SCUBE1: variants seen among roughly 807,000 people sequenced by gnomAD.
SCUBE1 encodes the protein signal peptide, CUB and EGF-like domain-containing protein 1.
Under a neutral mutation model 124.4 loss-of-function variants are expected in SCUBE1, and 59 were observed. The ratio of observed to expected loss-of-function variants is 0.47; its 90% CI spans 0.38 to 0.59. The LOEUF is 0.59. SCUBE1 is among the 20% of genes least tolerant of loss of function. The pLI, the probability that SCUBE1 is intolerant of heterozygous loss-of-function variation, is 0.00. For synonymous variants in SCUBE1, 545 were observed against 550.9 expected (o/e 0.99, Z 0.15); for missense variants, 1,150 against 1,371.2 (o/e 0.84, Z 2.55).
At chr22:43,277,024 G>A (rs1048503026) in intron 4 of SCUBE1, among the ~76,000 whole-genome samples, 1 of 152,170 alleles carries the variant, frequency 6.6e-6, no homozygotes, top group African/African-American at 2.4e-5. Context: ...GGGGAGAAAG[G>A]CCCGGGAGCA....
chr22:43,234,707 C>T lies in SCUBE1; in HGVS notation c.845-2832G>A, dbSNP rs1219656147. On this transcript the variant is annotated intron_variant, in intron 7 of 21. Coordinates refer to ENST00000360835, the MANE Select transcript of SCUBE1 (RefSeq NM_173050.5). The surrounding 1 kb of genome is among the most constrained non-coding windows in gnomAD (Gnocchi z 4.4). ...CTTCCTGGGTTCCCACCCCACCGCC[C>T]CACACCAGGCAGCCAGCACCACCTT... is the stretch of plus-strand genomic sequence containing the variant. Among the ~76,000 whole-genome samples, 2 of 152,202 alleles carry T rather than the reference C, an allele frequency of 1.3e-5. No individual in the cohort carries two copies. Among genetic ancestry groups the T allele is most frequent in the Non-Finnish European group, 2.9e-5 (2 of 68,020 alleles).
chr22:43,218,401 A>G lies in SCUBE1; in HGVS notation c.1745T>C (p.Ile582Thr). 1.9e-6 allele frequency: 3 copies of G among 1,613,404 alleles called. No individual in the cohort carries two copies. Among genetic ancestry groups the G allele is most frequent in the Non-Finnish European group, 2.5e-6 (3 of 1,180,036 alleles). ...KRAEQSLQAA[I>T]KTLRKSIGRQ... ...GCCGATGGACTTGCGCAGGGTCTTGATGGCGGCCTGCAGGCTCTGTTCTGC... is the reference window on the plus strand; with the variant it reads ...GCCGATGGACTTGCGCAGGGTCTTGGTGGCGGCCTGCAGGCTCTGTTCTGC... Residue 582 changes from isoleucine to threonine, a missense_variant, in exon 15 of 22, where the codon ATC becomes ACC. Ile to Thr is a moderately conservative substitution (Grantham distance 89). Around this residue, in one of 3 missense-constraint regions of SCUBE1, gnomAD observed 757 missense variants for 840.9 expected, o/e 0.90. Transcript: ENST00000360835.
At chr22:43,277,412 A>T (rs536501305) in intron 4 of SCUBE1, among the ~76,000 whole-genome samples, 1 of 152,280 alleles carries the variant, frequency 6.6e-6, no homozygotes, top group East Asian at 1.9e-4. Flanking sequence ...CAGCTGCCGC[A>T]CTAACTCAGG....
At chr22:43,286,566 G>A (rs949569087) in intron 4 of SCUBE1, among the ~76,000 whole-genome samples, 1 of 152,228 alleles carries the variant, frequency 6.6e-6, no homozygotes, top group Non-Finnish European at 1.5e-5. Flanking sequence ...CAGTTCACCA[G>A]GTGGAGGAGG....
In SCUBE1 at chr22:43,198,717, T is replaced by C. The variant is rs769170376; in HGVS notation, c.*5280A>G. 1 of 456,596 alleles carries C rather than the reference T, an allele frequency of 2.2e-6. No homozygotes were observed. The highest frequency in any genetic ancestry group is 1.5e-5 in the South Asian group (1 of 64,566). The allele number at this position is 456,596 out of a possible 1,614,324, so 28.3% of individuals were successfully genotyped here. On this transcript the variant is annotated 3_prime_UTR_variant, in exon 22 of 22. Transcript: ENST00000360835. ...GAGCATGGACCAGGGGAGGTGAAAA[T>C]GGCTGGACTCCCTGGGTGAGAAGGA... is the stretch of plus-strand genomic sequence containing the variant.
intron 20 of SCUBE1, 39 bp from the exon 21 acceptor site, chr22:43,207,652 G>T: frequency 1.3e-6 from 2 of 1,506,676 alleles, no homozygotes; most frequent in Non-Finnish European, 9.2e-7. Context: ...AAGGCGAGGG[G>T]CTTGAGGCCC....
chr22:43,268,301 T>C (rs371787403), intron 4 of SCUBE1, among the ~76,000 whole-genome samples: 67 of 152,356 alleles, frequency 4.4e-4, no homozygotes, highest in South Asian at 3.9e-3. Flanking sequence ...ACAGCTCCCT[T>C]GACCTAGATA....
Position 43,210,670 on chromosome 22 carries a change from G to T in SCUBE1, c.2383+252C>A, listed in dbSNP as rs552787545. On this transcript the variant is annotated intron_variant, in intron 18 of 21. Coordinates refer to ENST00000360835, the MANE Select transcript of SCUBE1 (RefSeq NM_173050.5). This position sits in a 1 kb window ranked among gnomAD's most constrained non-coding sequence, Gnocchi z 4.5. ...GGCCCAGGGCAGAGGCTTGGGCTGT[G>T]TTGGGTGAGCAGTGGGAACTGATGA... Among the ~76,000 whole-genome samples, 1 of 152,338 alleles carries T rather than the reference G, an allele frequency of 6.6e-6. No homozygotes were observed. The highest frequency in any genetic ancestry group is 2.1e-4 in the South Asian group (1 of 4,822).
At chr22:43,269,274 T>C (rs901210153) in intron 4 of SCUBE1, among the ~76,000 whole-genome samples, 10 of 152,178 alleles carry the variant, frequency 6.6e-5, no homozygotes, top group African/African-American at 2.4e-4. Flanking sequence ...GGGCCTATCT[T>C]CCCCCAAGGC....
intron 3 of SCUBE1, among the ~76,000 whole-genome samples, chr22:43,308,950 G>A (rs979625339): frequency 6.6e-5 from 10 of 152,220 alleles, no homozygotes; most frequent in African/African-American, 2.4e-4. Flanking sequence ...TTGAAGTCGC[G>A]ATGTCACATG....
chr22:43,214,068 C>T (rs1259798523), intron 16 of SCUBE1, 22 bp downstream of exon 16: 1 of 683,716 alleles, frequency 1.5e-6, no homozygotes, highest in Middle Eastern at 3.8e-4. Context: ...ACCCCCACCT[C>T]TCCTTCTAGG....
intron 6 of SCUBE1, among the ~76,000 whole-genome samples, chr22:43,254,804 T>C (rs1923594125): frequency 6.6e-6 from 1 of 152,206 alleles, no homozygotes; most frequent in Non-Finnish European, 1.5e-5. Context: ...AACGAGTAGA[T>C]GAGGAAGTCT....
chr22:43,238,515 A>T (rs1363580421), intron 7 of SCUBE1: 1 of 584,962 alleles, frequency 1.7e-6, no homozygotes. Context: ...AGGGCCCAGG[A>T]AGTCCCACAG....
At chr22:43,342,187 C>T (rs1362489562) in intron 1 of SCUBE1, among the ~76,000 whole-genome samples, 3 of 127,080 alleles carry the variant, frequency 2.4e-5, no homozygotes, top group African/African-American at 5.9e-5. Context: ...CCTCTGATGA[C>T]GAGGAGGGGA....
intron 4 of SCUBE1, among the ~76,000 whole-genome samples, chr22:43,290,485 G>A (rs1160971996): frequency 3.3e-5 from 5 of 152,248 alleles, no homozygotes; most frequent in Non-Finnish European, 7.3e-5. Flanking sequence ...TTCAGCCTGG[G>A]TCTGCCACCT....
At chr22:43,243,206 C>A (rs1033850446) in intron 6 of SCUBE1, among the ~76,000 whole-genome samples, 2 of 152,338 alleles carry the variant, frequency 1.3e-5, no homozygotes. Context: ...AGTAAGCCGG[C>A]CAAGGCCAGA....
At chr22:43,327,877 T>C (rs1224488653) in intron 2 of SCUBE1, among the ~76,000 whole-genome samples, 2 of 152,240 alleles carry the variant, frequency 1.3e-5, no homozygotes, top group Admixed American at 1.3e-4. Flanking sequence ...CATTGAATTG[T>C]ATACTTTTAA....
chr22:43,222,704 C>T lies in SCUBE1; in HGVS notation c.1366G>A (p.Gly456Arg). The T allele has an allele frequency of 6.2e-7, 1 of 1,606,956 alleles. No individual in the cohort carries two copies. The change falls in exon 12 of 22, where the codon GGG (glycine) becomes AGG (arginine). Residue 456 changes from glycine (G) to arginine (R), a missense_variant. Gly to Arg is a moderately radical substitution (Grantham distance 125, BLOSUM62 -2). Around this residue, in one of 3 missense-constraint regions of SCUBE1, gnomAD observed 757 missense variants for 840.9 expected, o/e 0.90. Coordinates refer to ENST00000360835, the MANE Select transcript of SCUBE1 (RefSeq NM_173050.5). ...NSYVLSCGVP[G>R]PQGKALQKRN... ...TTCTGCAGCGCCTTGCCCTGCGGCCCTGGAACTCCGCAGCTCAGGACGTAG... is the reference window on the plus strand; with the variant it reads ...TTCTGCAGCGCCTTGCCCTGCGGCCTTGGAACTCCGCAGCTCAGGACGTAG...
At chr22:43,235,997 C>T (rs971314436) in intron 7 of SCUBE1, among the ~76,000 whole-genome samples, 14 of 152,196 alleles carry the variant, frequency 9.2e-5, no homozygotes, top group African/African-American at 3.1e-4. Context: ...CCCCCACCTG[C>T]CCGGGGTTTG....
Sources: gnomAD v4.1 joint callset for allele counts (sites outside exome capture counted in the v4.1 genomes callset) on GRCh38, gnomAD v4.1.1 for gene constraint, gnomAD v4.1.1 regional missense constraint, Gnocchi (gnomAD v3.1) non-coding constraint, MANE v1.5 for transcripts, NCBI Gene and HGNC (gene_info 2026-07-23, HGNC 2026-07-21) for gene names.